CCHCR1: variants seen among roughly 807,000 people sequenced by gnomAD.
CCHCR1 encodes the protein HCR (a-helix coiled-coil rod homologue).
CCHCR1 carries 91 observed loss-of-function variants against 114.6 expected under a neutral mutation model. The ratio of observed to expected loss-of-function variants is 0.79; its 90% CI spans 0.67 to 0.94. CCHCR1 has a LOEUF of 0.94. CCHCR1 is among the 40% of genes least tolerant of loss of function. The pLI is 0.00. For missense variants in CCHCR1, 899 were observed against 1,079.9 expected (o/e 0.83, Z 2.35); for synonymous variants, 379 against 428.5 (o/e 0.88, Z 1.43).
rs9281228 is a variant in CCHCR1, at chr6:31,144,057, A to AAACAAC, written c.2167+624_2167+629dup. On this transcript the variant is annotated intron_variant, in intron 15 of 17. Coordinates refer to ENST00000396268, the MANE Select transcript of CCHCR1 (RefSeq NM_001105564.2). The surrounding 1 kb of genome is among the most constrained non-coding windows in gnomAD (Gnocchi z 4.6). ...TGGTGACAGAGGAAGACTCTGTCTC[A>AAACAAC]AACAACAACAACAACAAAACATTAA... Among the ~76,000 whole-genome samples the AAACAAC allele has an allele frequency of 6.6e-6, 1 of 150,470 alleles. No homozygotes were observed. The highest frequency in any genetic ancestry group is 1.5e-5 in the Non-Finnish European group (1 of 67,836).
At chr6:31,148,537 G>T (rs1342307130) in intron 9 of CCHCR1, 26 bp from the exon 10 acceptor site, 8 of 1,601,438 alleles carry the variant, frequency 5.0e-6, no homozygotes, top group Non-Finnish European at 6.8e-6. Context: ...CAAAGGACAG[G>T]GTCCCTCCCT....
chr6:31,147,399 C>CAAA lies in CCHCR1; in HGVS notation c.1580+1003_1580+1005dup, dbSNP rs9278998. On this transcript the variant is annotated intron_variant, in intron 10 of 17. Coordinates refer to ENST00000396268, the MANE Select transcript of CCHCR1 (RefSeq NM_001105564.2). ...TGGGTGACAGTGCGAGACTCTGTCT[C>CAAA]AAAAAAAAAAAAAAAAAAAAAAAGA... Among the ~76,000 whole-genome samples, 1,261 of 126,758 alleles carry CAAA rather than the reference C, an allele frequency of 9.9e-3. 38 individuals are homozygous for CAAA. Among genetic ancestry groups the CAAA allele is most frequent in the African/African-American group, 0.031 (1,009 of 32,198 alleles). The allele number at this position is 126,758 out of a possible 152,430, so 83.2% of individuals were successfully genotyped here.
Position 31,143,050 on chromosome 6 carries a change from T to C in CCHCR1, c.2404A>G (p.Lys802Glu). Residue 802 changes from lysine to glutamate, a missense_variant, in exon 17 of 18, where the codon AAA becomes GAA. By Grantham distance (56) the Lys-to-Glu change is moderately conservative. Coordinates refer to ENST00000396268, the MANE Select transcript of CCHCR1 (RefSeq NM_001105564.2). The surrounding 1 kb of genome is among the most constrained non-coding windows in gnomAD (Gnocchi z 5.3). ...TVLPSLLDKKKSVVSSPRPPE... is the reference protein window; with the variant it reads ...TVLPSLLDKKESVVSSPRPPE... Reference sequence around the variant, plus strand: ...GGCCTGGGGCTGGACACCACAGATTTCTTCTTATCCAGTAGGGAAGGAAGA... The same window carrying C: ...GGCCTGGGGCTGGACACCACAGATTCCTTCTTATCCAGTAGGGAAGGAAGA... The C allele has an allele frequency of 6.2e-7, 1 of 1,613,046 alleles. No individual in the cohort carries two copies. Among genetic ancestry groups the C allele is most frequent in the South Asian group, 1.1e-5 (1 of 91,086 alleles).
In CCHCR1 at chr6:31,145,760, G is replaced by A. The variant is rs557527207; in HGVS notation, c.1629C>T (p.Ala543=). 206 of 1,613,096 alleles carry A rather than the reference G, an allele frequency of 1.3e-4. No homozygotes were observed. The highest frequency in any genetic ancestry group is 1.7e-4 in the Non-Finnish European group (198 of 1,179,940). ...ETTMAKVEGA[A]AQLPSLNNRL... The stretch of plus-strand genomic sequence containing the variant: ...GGTTGTTGAGGCTGGGAAGCTGGGC[G>A]GCAGCCCCTTCCACCTTAGCCATGG... The change falls in exon 11 of 18, where the codon GCC becomes GCT. Residue 543 remains alanine, a synonymous_variant. Transcript: ENST00000396268.
Position 31,156,714 on chromosome 6 carries a change from C to T in CCHCR1, c.497+17G>A, listed in dbSNP as rs16898861. ...CTAGCAAGCAAGCCTGAGAAAACGGCGTGGATGGATCCCTACCTGCCTCTC... is the reference window on the plus strand; with the variant it reads ...CTAGCAAGCAAGCCTGAGAAAACGGTGTGGATGGATCCCTACCTGCCTCTC... On this transcript the variant is annotated intron_variant, in intron 3 of 17. Transcript: ENST00000396268. 0.043 allele frequency: 68,376 copies of T among 1,600,052 alleles called. 2,363 individuals carry two copies. The highest frequency in any genetic ancestry group is 0.089 in the Middle Eastern group (474 of 5,330).
At chr6:31,145,342 G>A in intron 12 of CCHCR1, 40 bp from the exon 13 acceptor site, 1 of 1,612,886 alleles carries the variant, frequency 6.2e-7, no homozygotes, top group Non-Finnish European at 8.5e-7. Flanking sequence ...AAATCACCCA[G>A]CTGCCTGATC....
Position 31,150,698 on chromosome 6 carries a change from C to A in CCHCR1, c.1101+27G>T. Reference sequence around the variant, plus strand: ...CCTCCCAACCTGATCCCTAAGTCTGCACACAGATACATTCCTGCACCCTCA... The same window carrying A: ...CCTCCCAACCTGATCCCTAAGTCTGAACACAGATACATTCCTGCACCCTCA... On this transcript the variant is annotated intron_variant, in intron 6 of 17. Coordinates refer to ENST00000396268, the MANE Select transcript of CCHCR1 (RefSeq NM_001105564.2). The surrounding 1 kb of genome is among the most constrained non-coding windows in gnomAD (Gnocchi z 5.3). The A allele has an allele frequency of 6.2e-7, 1 of 1,608,490 alleles. No individual in the cohort carries two copies. Among genetic ancestry groups the A allele is most frequent in the South Asian group, 1.1e-5 (1 of 90,320 alleles).
rs769049026 is a variant in CCHCR1 at position 31,154,790 on chromosome 6, C to A, written c.507G>T (p.Gly169=). ...QEPGRRGRSW[G]LEGSQALSQQ... ...GGCTCAGGGCCTGTGACCCCTCCAG[C>A]CCCCAGGACCTTCAAAGACAGGTTA... The change falls in exon 4 of 18, where the codon GGG becomes GGT. Residue 169 remains glycine (G), a synonymous_variant. Transcript: ENST00000396268. This position sits in a 1 kb window ranked among gnomAD's most constrained non-coding sequence, Gnocchi z 4.1. 4 of 1,601,414 alleles carry A rather than the reference C, an allele frequency of 2.5e-6. No homozygotes were observed. Among genetic ancestry groups the A allele is most frequent in the Non-Finnish European group, 3.4e-6 (4 of 1,178,514 alleles).
rs1053298941 is a variant in CCHCR1, at chr6:31,142,451, C to G, written c.*141G>C. The G allele has an allele frequency of 1.5e-6, 1 of 660,546 alleles. No homozygotes were observed. The highest frequency in any genetic ancestry group is 2.6e-6 in the Non-Finnish European group (1 of 389,642). 40.9% of individuals were successfully genotyped at this position (660,546 alleles called of 1,614,324 possible). A position where few individuals can be genotyped will look rare whatever the true frequency, so the allele number is the denominator to read the frequency against. ...TCCAAACAATGGCTCCTTCTGTAGT[C>G]GTCTTTATTTAGAGCAGAATTCAGA... On this transcript the variant is annotated 3_prime_UTR_variant, in exon 18 of 18. Transcript: ENST00000396268.
In CCHCR1 at chr6:31,157,050, T is replaced by G; in HGVS notation, c.256A>C (p.Asn86His). ...GAAGGTGGAAACATCTCCACATTAT[T>G]TGAAGGCTCTAGATTCTGTCTCCAG... is the stretch of plus-strand genomic sequence containing the variant. ...DGWRQNLEPS[N>H]NVEMFPPSGS... The change falls in exon 2 of 18, where the codon AAT becomes CAT. Residue 86 changes from asparagine to histidine, a missense_variant. By Grantham distance (68) the Asn-to-His change is moderately conservative (BLOSUM62 1). Coordinates refer to ENST00000396268, the MANE Select transcript of CCHCR1 (RefSeq NM_001105564.2). 6.2e-7 allele frequency: 1 copy of G among 1,612,454 alleles called. No individual in the cohort carries two copies. Among genetic ancestry groups the G allele is most frequent in the Middle Eastern group, 1.7e-4 (1 of 6,060 alleles).
rs2150985269 is a variant in CCHCR1 at position 31,142,490 on chromosome 6, C to T, written c.*102G>A. On this transcript the variant is annotated 3_prime_UTR_variant, in exon 18 of 18. Transcript: ENST00000396268. The stretch of plus-strand genomic sequence containing the variant: ...GCAGAATTCAGACTCAGCTGGTATC[C>T]CCCAGGGCAACCCCAGGATGGGGAA... 9.0e-7 allele frequency: 1 copy of T among 1,110,782 alleles called. No homozygotes were observed. The allele number at this position is 1,110,782 out of a possible 1,614,324, so 68.8% of individuals were successfully genotyped here.
intron 8 of CCHCR1, chr6:31,149,790 G>A (rs1439960636): frequency 7.2e-6 from 3 of 414,498 alleles, no homozygotes; most frequent in Admixed American, 3.9e-5. Flanking sequence ...ATCACCTGAG[G>A]TCAGGAGTTC....
chr6:31,143,433 C>G lies in CCHCR1; in HGVS notation c.2168-20G>C. On this transcript the variant is annotated intron_variant, in intron 15 of 17. Transcript: ENST00000396268. The surrounding 1 kb of genome is among the most constrained non-coding windows in gnomAD (Gnocchi z 5.3). ...AGACCACTACAGAGAGGCCAAGGCACAGAGGAGGCAGGTGTGAGTCAGGCC... is the reference window on the plus strand; with the variant it reads ...AGACCACTACAGAGAGGCCAAGGCAGAGAGGAGGCAGGTGTGAGTCAGGCC... 1 of 1,611,168 alleles carries G rather than the reference C, an allele frequency of 6.2e-7. No homozygotes were observed. Among genetic ancestry groups the G allele is most frequent in the African/African-American group, 1.3e-5 (1 of 74,972 alleles).
In CCHCR1 at chr6:31,157,451, C is replaced by T. The variant is rs1419843488; in HGVS notation, c.150G>A (p.Leu50=). 1.2e-6 allele frequency: 2 copies of T among 1,612,946 alleles called. No individual in the cohort carries two copies. Among genetic ancestry groups the T allele is most frequent in the African/African-American group, 2.7e-5 (2 of 74,924 alleles). ...RELWRWRSRP[L]HCVPPFSPLA... ...GAGGTGAGAAAGGAGGTACACAGTG[C>T]AGGGGTCTTGAGCGCCATCTCCAGA... The change falls in exon 1 of 18, where the codon CTG becomes CTA. Residue 50 remains leucine, a synonymous_variant. Coordinates refer to ENST00000396268, the MANE Select transcript of CCHCR1 (RefSeq NM_001105564.2).
At position 31,143,400 on chromosome 6, in the gene CCHCR1, G is replaced by A. The variant is rs755429547; in HGVS notation, c.2181C>T (p.Arg727=). 3 of 1,612,912 alleles carry A rather than the reference G, an allele frequency of 1.9e-6. No homozygotes were observed. In the Admixed American group the frequency reaches 5.0e-5, roughly 27 times the overall value. The change falls in exon 16 of 18, where the codon CGC becomes CGT. Residue 727 remains arginine, a synonymous_variant. Transcript: ENST00000396268. The surrounding 1 kb of genome is among the most constrained non-coding windows in gnomAD (Gnocchi z 5.3). Reference sequence around the variant, plus strand: ...CCTGGGCGGCTCTGCGCTGAATCTGGCGTAAGGAGACCACTACAGAGAGGC... The same window carrying A: ...CCTGGGCGGCTCTGCGCTGAATCTGACGTAAGGAGACCACTACAGAGAGGC... ...REHAKAVVSL[R]QIQRRAAQEK... is the part of the protein sequence containing the mutation.
At chr6:31,152,309 C>T (rs1278642648) in intron 4 of CCHCR1, among the ~76,000 whole-genome samples, 6 of 149,544 alleles carry the variant, frequency 4.0e-5, no homozygotes, top group East Asian at 2.0e-4. Flanking sequence ...AACCTTTCAA[C>T]GGTTGCTTAT....
In CCHCR1 at chr6:31,143,207, G is replaced by A; in HGVS notation, c.2319+55C>T. The A allele has an allele frequency of 6.2e-7, 1 of 1,610,746 alleles. No individual in the cohort carries two copies. Among genetic ancestry groups the A allele is most frequent in the Non-Finnish European group, 8.5e-7 (1 of 1,178,870 alleles). ...ATCCTCTTTCCACACCTCTAGCCCA[G>A]GAACCAGCCCAGGATGGGCCCTAGT... is the stretch of plus-strand genomic sequence containing the variant. On this transcript the variant is annotated intron_variant, in intron 16 of 17. Transcript: ENST00000396268. This position sits in a 1 kb window ranked among gnomAD's most constrained non-coding sequence, Gnocchi z 5.3.
intron 10 of CCHCR1, 79 bp from the exon 11 acceptor site, chr6:31,145,887 C>T (rs1265178843): frequency 3.7e-6 from 3 of 810,022 alleles, no homozygotes; most frequent in Non-Finnish European, 4.3e-6. Flanking sequence ...ATAGACAACT[C>T]CCTCTAATCC....
rs753956126 is a variant in CCHCR1, at chr6:31,157,613, C to A, written c.-13G>T. 3.3e-5 allele frequency: 53 copies of A among 1,601,590 alleles called. No homozygotes were observed. Among genetic ancestry groups the A allele is most frequent in the Non-Finnish European group, 4.2e-5 (49 of 1,174,798 alleles). ...AATGTGGCCACATGCAGGGCTAGAC[C>A]CTCCCCAAGACCTTGGGAATCCAGG... On this transcript the variant is annotated 5_prime_UTR_variant, in exon 1 of 18. Coordinates refer to ENST00000396268, the MANE Select transcript of CCHCR1 (RefSeq NM_001105564.2).
Sources: gnomAD v4.1 joint callset for allele counts (sites outside exome capture counted in the v4.1 genomes callset) on GRCh38, gnomAD v4.1.1 for gene constraint, Gnocchi (gnomAD v3.1) non-coding constraint, MANE v1.5 for transcripts, NCBI Gene and HGNC (gene_info 2026-07-23, HGNC 2026-07-21) for gene names.